Variants in SLC26A5 observed in about 807,000 individuals in gnomAD.
SLC26A5 encodes prestin.
In SLC26A5, 51 loss-of-function variants were observed where a neutral mutation model predicts 81.0. The ratio of observed to expected loss-of-function variants is 0.63; its 90% CI spans 0.50 to 0.80. The LOEUF (loss-of-function observed/expected upper bound fraction) is 0.80. SLC26A5 is among the 30% of genes least tolerant of loss of function. The pLI is 0.00. For missense variants in SLC26A5, 771 were observed against 905.8 expected, an observed-to-expected ratio of 0.85 and a Z score of 1.91; for synonymous variants, 325 against 332.8, an observed-to-expected ratio of 0.98 and a Z score of 0.25.
At chr7:103,412,029 T>C (rs991712935) in intron 5 of SLC26A5, among the ~76,000 whole-genome samples, 2 of 152,040 alleles carry the variant, frequency 1.3e-5, no homozygotes, top group Non-Finnish European at 2.9e-5. Flanking sequence ...AGTGGAGAAT[T>C]CCTGGGACTG....
intron 11 of SLC26A5, 51 bp from the exon 12 acceptor site, chr7:103,390,557 G>A: frequency 6.9e-7 from 1 of 1,449,568 alleles, no homozygotes; most frequent in Non-Finnish European, 9.7e-7. Flanking sequence ...TTGAATAAGA[G>A]GCAGGGCATA....
At chr7:103,440,608 A>G (rs1414526632) in intron 2 of SLC26A5, among the ~76,000 whole-genome samples, 2 of 152,212 alleles carry the variant, frequency 1.3e-5, no homozygotes, top group Admixed American at 1.3e-4. Flanking sequence ...CAAAACAGCA[A>G]GTGCCCAATA....
chr7:103,386,601 G>A (rs899230303), intron 14 of SLC26A5, among the ~76,000 whole-genome samples: 4 of 151,580 alleles, frequency 2.6e-5, no homozygotes, highest in Non-Finnish European at 4.4e-5. Context: ...ACTCAAGTGA[G>A]TTCTCTAGTG....
At chr7:103,371,677 G>A (rs1207723379), downstream of SLC26A5, among the ~76,000 whole-genome samples, 1 of 148,972 alleles carries the variant, frequency 6.7e-6, no homozygotes. Flanking sequence ...GAAGGCTGGT[G>A]CTAAAGAATG....
At position 103,410,465 on chromosome 7, in the gene SLC26A5, C is replaced by T. The variant is rs778436306; in HGVS notation, c.655G>A (p.Val219Met). ...LVRGFTTAAA[V>M]HVFTSMLKYL... Reference sequence around the variant, plus strand: ...TTTAACATGGAGGTGAAGACATGCACAGCTGCTGCGGTGGTAAACCCACGG... The same window carrying T: ...TTTAACATGGAGGTGAAGACATGCATAGCTGCTGCGGTGGTAAACCCACGG... Residue 219 changes from valine (V) to methionine (M), a missense_variant, in exon 7 of 20, where the codon GTG becomes ATG. Transcript: ENST00000306312. The T allele has an allele frequency of 6.2e-7, 1 of 1,614,042 alleles. No individual in the cohort carries two copies. The highest frequency in any genetic ancestry group is 1.1e-5 in the South Asian group (1 of 91,078).
chr7:103,445,269 C>T (rs1284134361), intron 1 of SLC26A5: 1 of 152,198 alleles, frequency 6.6e-6, no homozygotes, highest in African/African-American at 2.4e-5. Context: ...GGTCTCGGAG[C>T]TCACTGAGAA....
At chr7:103,440,014 C>T (rs1157954398) in intron 2 of SLC26A5, among the ~76,000 whole-genome samples, 4 of 152,186 alleles carry the variant, frequency 2.6e-5, no homozygotes, top group Non-Finnish European at 5.9e-5. Context: ...ATTTCACAGC[C>T]AACACCTCTA....
chr7:103,389,555 G>T, intron 12 of SLC26A5, 131 bp from the exon 13 acceptor site: 1 of 727,932 alleles, frequency 1.4e-6, no homozygotes, highest in Non-Finnish European at 2.5e-6. Flanking sequence ...ACCGATGGTA[G>T]CTTTGAAGCC....
At chr7:103,356,603 A>G (rs375161683) in intron 19 of SLC26A5, among the ~76,000 whole-genome samples, 3 of 152,200 alleles carry the variant, frequency 2.0e-5, no homozygotes, top group Admixed American at 6.5e-5. Flanking sequence ...TTTACTAAAC[A>G]TCTGTATTTC....
chr7:103,392,758 C>T (rs963613236), intron 10 of SLC26A5, among the ~76,000 whole-genome samples, 161 bp downstream of exon 10: 4 of 152,002 alleles, frequency 2.6e-5, no homozygotes, highest in Non-Finnish European at 5.9e-5. Flanking sequence ...TTTGTATTTT[C>T]AGTAGAGATG....
chr7:103,357,830 G>C (rs1820128206), intron 19 of SLC26A5, among the ~76,000 whole-genome samples: 1 of 152,040 alleles, frequency 6.6e-6, no homozygotes, highest in African/African-American at 2.4e-5. Flanking sequence ...ACTTTCTCTT[G>C]ATTGTCTAAA....
chr7:103,356,744 C>T (rs2116170798), intron 19 of SLC26A5, among the ~76,000 whole-genome samples: 1 of 152,122 alleles, frequency 6.6e-6, no homozygotes, highest in East Asian at 1.9e-4. Context: ...TTCTTGGTAC[C>T]TTTTGTTGTA....
At chr7:103,366,294 C>T in intron 19 of SLC26A5, 1 of 744,678 alleles carries the variant, frequency 1.3e-6, no homozygotes, top group African/African-American at 1.7e-5. Flanking sequence ...AACAGTGGCG[C>T]CACAGATCTA....
intron 2 of SLC26A5, among the ~76,000 whole-genome samples, chr7:103,428,421 G>T (rs1179564552): frequency 2.0e-5 from 3 of 152,088 alleles, no homozygotes; most frequent in African/African-American, 7.2e-5. Context: ...ACAAAAAGCT[G>T]TATATACTTA....
At chr7:103,417,947 A>G (rs1262553752) in intron 4 of SLC26A5, among the ~76,000 whole-genome samples, 1 of 152,138 alleles carries the variant, frequency 6.6e-6, no homozygotes, top group East Asian at 1.9e-4. Context: ...GGGTTTCACC[A>G]TGTTGGTCAG....
chr7:103,439,592 G>A (rs1041014767), intron 2 of SLC26A5, among the ~76,000 whole-genome samples: 1 of 152,064 alleles, frequency 6.6e-6, no homozygotes. Flanking sequence ...GGAGTGCAGT[G>A]GTGCGATCAC....
intron 2 of SLC26A5, among the ~76,000 whole-genome samples, chr7:103,433,962 A>T (rs576794097): frequency 1.4e-3 from 216 of 152,114 alleles, no homozygotes; most frequent in African/African-American, 5.1e-3. Context: ...CAGCCTCCCA[A>T]AGTGCTGGGA....
chr7:103,435,199 G>A (rs552542154), intron 2 of SLC26A5: 3 of 151,890 alleles, frequency 2.0e-5, no homozygotes, highest in African/African-American at 4.8e-5. Context: ...ATAACATCAC[G>A]CTTTTGTTGT....
chr7:103,371,201 A>C (rs1360892866), downstream of SLC26A5, among the ~76,000 whole-genome samples: 1 of 152,250 alleles, frequency 6.6e-6, no homozygotes, highest in African/African-American at 2.4e-5. Flanking sequence ...TAAAACAAAA[A>C]TATATTTTCC....
Sources: gnomAD v4.1 joint callset for allele counts (sites outside exome capture counted in the v4.1 genomes callset) on GRCh38, gnomAD v4.1.1 for gene constraint, MANE v1.5 for transcripts, NCBI Gene and HGNC (gene_info 2026-07-23, HGNC 2026-07-21) for gene names.